ERICH3: variants seen among roughly 807,000 people sequenced by gnomAD.
The protein encoded by ERICH3 is glutamate-rich protein 3.
In ERICH3, 126 loss-of-function variants were observed where a neutral mutation model predicts 131.1. The observed-to-expected ratio is 0.96, with a 90% CI of 0.83 to 1.11. ERICH3 has a LOEUF of 1.11. ERICH3 is among the 50% of genes most tolerant of loss of function. The probability of loss-of-function intolerance (pLI) is 0.00; values close to 1 mark genes in which losing one functional copy is unlikely to be tolerated. For synonymous variants in ERICH3, 695 were observed against 644.6 expected, an observed-to-expected ratio of 1.08 and a Z score of -1.18; for missense variants, 2,050 against 1,810.7, an observed-to-expected ratio of 1.13 and a Z score of -2.40.
intron 6 of ERICH3, chr1:74,634,764 T>C (rs1646373412): frequency 1.5e-6 from 1 of 675,270 alleles, no homozygotes; most frequent in Non-Finnish European, 2.7e-6. Flanking sequence ...GCAAAGTTAC[T>C]GCTGGAGGAT....
intron 7 of ERICH3, chr1:74,622,124 T>C (rs1050586034): frequency 6.6e-6 from 1 of 152,194 alleles, no homozygotes; most frequent in Non-Finnish European, 1.5e-5. Flanking sequence ...ATCTCTAAAC[T>C]CATCCTCTTC....
rs761127638 is a variant in ERICH3, at chr1:74,606,635, G to A, written c.1455C>T (p.Val485=). 11 of 1,610,720 alleles carry A rather than the reference G, an allele frequency of 6.8e-6. No individual in the cohort carries two copies. The Admixed American group carries it at 1.3e-4, about 20-fold the overall frequency. ...AAGTATTTTCCTGGTCGTCTTCCAAGACTTCTTGTCCTGGTTTTCCTTTAC... is the reference window on the plus strand; with the variant it reads ...AAGTATTTTCCTGGTCGTCTTCCAAAACTTCTTGTCCTGGTTTTCCTTTAC... ...MTSKGKPGQE[V]LEDDQENTLK... The change falls in exon 10 of 15, where the codon GTC becomes GTT. Residue 485 remains valine, a synonymous_variant. Coordinates refer to ENST00000326665, the MANE Select transcript of ERICH3 (RefSeq NM_001002912.5).
In ERICH3 at chr1:74,606,499, G is replaced by A. The variant is rs1178781289; in HGVS notation, c.1489+102C>T. The A allele has an allele frequency of 1.3e-5, 16 of 1,223,868 alleles. No individual in the cohort carries two copies. In the Admixed American group the frequency reaches 3.0e-4, roughly 23 times the overall value. The allele number at this position is 1,223,868 out of a possible 1,614,324, so 75.8% of individuals were successfully genotyped here. On this transcript the variant is annotated intron_variant, in intron 10 of 14. Coordinates refer to ENST00000326665, the MANE Select transcript of ERICH3 (RefSeq NM_001002912.5). ...GGGGCACCCCACATGTAACACAGCT[G>A]GGTAACATTTAATGGGTATTTTTGA...
At chr1:74,612,531 T>A in intron 9 of ERICH3, 92 bp downstream of exon 9, 1 of 1,191,350 alleles carries the variant, frequency 8.4e-7, no homozygotes, top group Non-Finnish European at 1.1e-6. Context: ...CTGAATTTCC[T>A]TAATAATTGT....
intron 1 of ERICH3, among the ~76,000 whole-genome samples, chr1:74,668,285 A>T (rs949512761): frequency 1.3e-5 from 2 of 152,128 alleles, no homozygotes; most frequent in African/African-American, 4.8e-5. Context: ...TTTTATAATT[A>T]TCTTTGAATT....
chr1:74,630,259 G>A (rs1649549997), intron 7 of ERICH3, among the ~76,000 whole-genome samples: 2 of 152,202 alleles, frequency 1.3e-5, no homozygotes, highest in Non-Finnish European at 1.5e-5. Flanking sequence ...CCAGCATGCA[G>A]AGTGAAAAAT....
At chr1:74,662,306 T>C (rs1646649681) in intron 1 of ERICH3, among the ~76,000 whole-genome samples, 2 of 152,114 alleles carry the variant, frequency 1.3e-5, no homozygotes, top group Non-Finnish European at 2.9e-5. Flanking sequence ...CCAGCATGAA[T>C]TGAAGTTCCA....
At chr1:74,611,992 T>C (rs924152791) in intron 9 of ERICH3, among the ~76,000 whole-genome samples, 1 of 152,192 alleles carries the variant, frequency 6.6e-6, no homozygotes, top group Non-Finnish European at 1.5e-5. Context: ...GTGTTCTAGC[T>C]TGGCATCTAG....
Position 74,571,261 on chromosome 1 carries a change from C to T in ERICH3, c.4449G>A (p.Glu1483=), listed in dbSNP as rs893771012. 8.1e-6 allele frequency: 13 copies of T among 1,613,992 alleles called. No homozygotes were observed. The highest frequency in any genetic ancestry group is 1.1e-5 in the South Asian group (1 of 91,086). The stretch of plus-strand genomic sequence containing the variant: ...GTAGACTCTCCGGACTCAATTCCCT[C>T]TCTCCCTCCCGTGATAATCCTAATC... ...KFRLGLSREG[E]RELSPESLQA... is the part of the protein sequence containing the mutation. The change falls in exon 14 of 15, where the codon GAG becomes GAA. Residue 1483 remains glutamate, a synonymous_variant. Transcript: ENST00000326665.
At position 74,571,494 on chromosome 1, in the gene ERICH3, C is replaced by T; in HGVS notation, c.4216G>A (p.Glu1406Lys). 1 of 1,614,148 alleles carries T rather than the reference C, an allele frequency of 6.2e-7. No individual in the cohort carries two copies. Among genetic ancestry groups the T allele is most frequent in the Non-Finnish European group, 8.5e-7 (1 of 1,180,024 alleles). Residue 1406 changes from glutamate (E) to lysine (K), a missense_variant, in exon 14 of 15, where the codon GAG becomes AAG. Glu to Lys is a moderately conservative substitution (Grantham distance 56). Transcript: ENST00000326665. Reference protein sequence around the residue: ...KTAAAGKVVVEELARSGEEVP... With the variant: ...KTAAAGKVVVKELARSGEEVP... Reference sequence around the variant, plus strand: ...TCCTCCCCACTCCGTGCTAATTCCTCTACCACCACCTTCCCTGCAGCTGCT... The same window carrying T: ...TCCTCCCCACTCCGTGCTAATTCCTTTACCACCACCTTCCCTGCAGCTGCT...
intron 8 of ERICH3, among the ~76,000 whole-genome samples, chr1:74,619,861 T>A (rs1301103548): frequency 2.0e-5 from 3 of 152,258 alleles, no homozygotes; most frequent in African/African-American, 7.2e-5. Flanking sequence ...GTTTTACATA[T>A]GTAATTCCTC....
chr1:74,665,124 C>T (rs1252307554), intron 1 of ERICH3, among the ~76,000 whole-genome samples: 1 of 151,896 alleles, frequency 6.6e-6, no homozygotes, highest in Non-Finnish European at 1.5e-5. Context: ...AAAGAGACCT[C>T]AGAAAGCTCT....
At chr1:74,650,889 AAGAGAGAGAG>A (rs138642191) in intron 1 of ERICH3, among the ~76,000 whole-genome samples, 1 of 144,350 alleles carries the variant, frequency 6.9e-6, no homozygotes, top group African/African-American at 2.5e-5. Context: ...TACACATAGA[AAGAGAGAGAG>A]AGAGAGAGAA....
chr1:74,642,079 A>G (rs1486839938), intron 4 of ERICH3, among the ~76,000 whole-genome samples: 1 of 152,094 alleles, frequency 6.6e-6, no homozygotes, highest in African/African-American at 2.4e-5. Flanking sequence ...ATTTCAGCAG[A>G]TAAATTACAG....
At chr1:74,643,998 C>T (rs1207290160) in intron 3 of ERICH3, among the ~76,000 whole-genome samples, 2 of 152,014 alleles carry the variant, frequency 1.3e-5, no homozygotes, top group Non-Finnish European at 2.9e-5. Flanking sequence ...GCTTTTCCCC[C>T]CAAGTTTTTG....
intron 12 of ERICH3, chr1:74,589,427 G>A (rs1054484440): frequency 8.4e-6 from 5 of 593,888 alleles, no homozygotes; most frequent in Non-Finnish European, 1.5e-5. Context: ...AGAAATTATC[G>A]AGTAATTTTT....
At chr1:74,634,802 A>C (rs1646373805) in intron 6 of ERICH3, 3 of 619,790 alleles carry the variant, frequency 4.8e-6, no homozygotes, top group Middle Eastern at 2.6e-4. Context: ...AAGACCTTTG[A>C]GTTTTCTGGT....
chr1:74,667,610 G>A (rs1646704210), intron 1 of ERICH3, among the ~76,000 whole-genome samples: 1 of 152,048 alleles, frequency 6.6e-6, no homozygotes, highest in Non-Finnish European at 1.5e-5. Context: ...TGAATATTTG[G>A]GGCTGATTTT....
Position 74,571,829 on chromosome 1 carries a change from G to A in ERICH3, c.3881C>T (p.Pro1294Leu), listed in dbSNP as rs369941131. 30 of 1,612,748 alleles carry A rather than the reference G, an allele frequency of 1.9e-5. No homozygotes were observed. Among genetic ancestry groups the A allele is most frequent in the Non-Finnish European group, 2.3e-5 (27 of 1,180,028 alleles). The change falls in exon 14 of 15, where the codon CCA becomes CTA. Residue 1294 changes from proline (P) to leucine (L), a missense_variant. Coordinates refer to ENST00000326665, the MANE Select transcript of ERICH3 (RefSeq NM_001002912.5). Reference sequence around the variant, plus strand: ...GCACTCTTTGTCCTCTTCCTCCTCTGGGTCCTCATCCACCGCTTCCTCCCT... The same window carrying A: ...GCACTCTTTGTCCTCTTCCTCCTCTAGGTCCTCATCCACCGCTTCCTCCCT... Reference protein sequence around the residue: ...KFREEAVDEDPEEEEDKECTL... With the variant: ...KFREEAVDEDLEEEEDKECTL...
Sources: gnomAD v4.1 joint callset for allele counts (sites outside exome capture counted in the v4.1 genomes callset) on GRCh38, gnomAD v4.1.1 for gene constraint, MANE v1.5 for transcripts, NCBI Gene and HGNC (gene_info 2026-07-23, HGNC 2026-07-21) for gene names.